PRPF18: variants seen among roughly 807,000 people sequenced by gnomAD.
PRPF18 encodes the protein pre-mRNA processing factor 18, also known as pre-mRNA-splicing factor 18.
Under a neutral mutation model 46.5 loss-of-function variants are expected in PRPF18, and 38 were observed. That is an observed-to-expected ratio of 0.82 (90% confidence interval 0.63 to 1.07). PRPF18 has a LOEUF of 1.07. PRPF18 is among the 50% of genes least tolerant of loss of function. The pLI is 0.00. For missense variants in PRPF18, 263 were observed against 410.0 expected, an observed-to-expected ratio of 0.64 and a Z score of 3.10; for synonymous variants, 152 against 146.7, an observed-to-expected ratio of 1.04 and a Z score of -0.26.
chr10:13,611,362 G>C (rs140117238), intron 5 of PRPF18, among the ~76,000 whole-genome samples: 1 of 152,020 alleles, frequency 6.6e-6, no homozygotes, highest in Non-Finnish European at 1.5e-5. Context: ...AGAACATTTT[G>C]GTTCCCCCAA....
intron 2 of PRPF18, among the ~76,000 whole-genome samples, chr10:13,598,781 G>T (rs1353737070): frequency 6.6e-6 from 1 of 152,154 alleles, no homozygotes; most frequent in Non-Finnish European, 1.5e-5. Flanking sequence ...CACACACTTG[G>T]TCTGGAATAA....
chr10:13,648,030 G>A, the PRPF18 span: 1 of 152,130 alleles, frequency 6.6e-6, no homozygotes, highest in Admixed American at 6.5e-5. Context: ...ACAGCTTCAC[G>A]ATTGAGAATC....
chr10:13,602,546 G>A (rs1398213486), intron 3 of PRPF18, among the ~76,000 whole-genome samples: 2 of 150,956 alleles, frequency 1.3e-5, no homozygotes, highest in Non-Finnish European at 3.0e-5. Flanking sequence ...GCTTGGAAAG[G>A]TTTCCTCTGT....
In PRPF18 at chr10:13,610,020, C is replaced by CT. The variant is rs754859804; in HGVS notation, c.364-12dup. 93 of 1,573,498 alleles carry CT rather than the reference C, an allele frequency of 5.9e-5. No homozygotes were observed. The African/African-American group carries it at 1.1e-3, about 19-fold the overall frequency. On this transcript the variant is annotated intron_variant, in intron 4 of 9. Transcript: ENST00000378572. ...CTTCCTTTCATAACAGGTGTTCTTCCTTTTTTTGCTTTTCTTAGGGATTGA... is the reference window on the plus strand; with the variant it reads ...CTTCCTTTCATAACAGGTGTTCTTCCTTTTTTTTGCTTTTCTTAGGGATTGA...
At chr10:13,632,185 C>T (rs192656086), downstream of PRPF18, among the ~76,000 whole-genome samples, 4 of 152,174 alleles carry the variant, frequency 2.6e-5, no homozygotes, top group South Asian at 6.2e-4. Context: ...ACTAAAAATA[C>T]AAAAAATTAG....
chr10:13,641,371 A>T, the PRPF18 span: 1 of 152,282 alleles, frequency 6.6e-6, no homozygotes, highest in Non-Finnish European at 1.5e-5. Context: ...AGTTCAGGAC[A>T]TGTTAGCACA....
chr10:13,642,625 T>G, the PRPF18 span: 4 of 152,246 alleles, frequency 2.6e-5, no homozygotes, highest in Admixed American at 6.5e-5. Context: ...GATCTTCCTA[T>G]CTACCAGTTG....
intron 9 of PRPF18, among the ~76,000 whole-genome samples, chr10:13,627,308 A>AT (rs1234378432): frequency 6.6e-6 from 1 of 151,920 alleles, no homozygotes; most frequent in Admixed American, 6.6e-5. Flanking sequence ...GGAGGGTGGG[A>AT]TTTTTTCTGG....
chr10:13,610,107 C>A lies in PRPF18; in HGVS notation c.432C>A (p.Gly144=), dbSNP rs779426780. ...AGCAGTACCTCAATGAAATCGTCGG[C>A]GGTCAGGAGCCTGGAGAGGAAGACA... ...IDQQYLNEIV[G]GQEPGEEDTQ... Residue 144 remains glycine, a synonymous_variant, in exon 5 of 10, where the codon GGC becomes GGA. Coordinates refer to ENST00000378572, the MANE Select transcript of PRPF18 (RefSeq NM_003675.4). 6 of 1,613,528 alleles carry A rather than the reference C, an allele frequency of 3.7e-6. No individual in the cohort carries two copies. The highest frequency in any genetic ancestry group is 1.3e-5 in the African/African-American group (1 of 74,874).
At chr10:13,647,351 T>C in the PRPF18 span, 2 of 152,346 alleles carry the variant, frequency 1.3e-5, no homozygotes, top group East Asian at 3.9e-4. Context: ...GAAATACTCA[T>C]GCCTGGGCCC....
intron 3 of PRPF18, among the ~76,000 whole-genome samples, chr10:13,602,101 T>C (rs1248638728): frequency 1.3e-5 from 2 of 152,254 alleles, no homozygotes; most frequent in Admixed American, 6.5e-5. Context: ...ACTGTAAGTA[T>C]GTAAGACTTC....
At chr10:13,651,686 C>T in the PRPF18 span, 2 of 562,226 alleles carry the variant, frequency 3.6e-6, no homozygotes, top group East Asian at 3.1e-5. Context: ...ACAAAACATA[C>T]TCTGGGGGTC....
the PRPF18 span, chr10:13,644,242 A>C: frequency 6.6e-6 from 1 of 152,246 alleles, no homozygotes; most frequent in Admixed American, 6.5e-5. Context: ...CATCCGAAGA[A>C]TCCAATAGGG....
At chr10:13,601,901 A>G (rs112061072) in intron 3 of PRPF18, among the ~76,000 whole-genome samples, 159 of 152,344 alleles carry the variant, frequency 1.0e-3, no homozygotes, top group Non-Finnish European at 1.8e-3. Context: ...TGATGGATAG[A>G]TTACTTCCAG....
At chr10:13,644,299 A>AAAG in the PRPF18 span, 8 of 152,358 alleles carry the variant, frequency 5.3e-5, no homozygotes, top group South Asian at 1.7e-3. Flanking sequence ...ATTTTGTTTT[A>AAAG]AAGAAATAGG....
chr10:13,605,776 CA>C, intron 4 of PRPF18, 32 bp downstream of exon 4: 1 of 1,589,168 alleles, frequency 6.3e-7, no homozygotes, highest in South Asian at 1.2e-5. Context: ...AGAAAAATAC[CA>C]CTGTACTGCA....
chr10:13,614,129 T>C, intron 8 of PRPF18, 43 bp downstream of exon 8: 1 of 1,387,306 alleles, frequency 7.2e-7, no homozygotes, highest in East Asian at 2.3e-5. Flanking sequence ...AGAGTATATC[T>C]AGGTTATGTA....
At chr10:13,611,025 A>G (rs143485865) in intron 5 of PRPF18, among the ~76,000 whole-genome samples, 2 of 152,226 alleles carry the variant, frequency 1.3e-5, no homozygotes, top group African/African-American at 4.8e-5. Flanking sequence ...ACATAAACTT[A>G]TTTTTCTGTT....
the PRPF18 span, chr10:13,647,771 C>A: frequency 6.8e-6 from 1 of 147,090 alleles, no homozygotes; most frequent in Admixed American, 6.8e-5. Flanking sequence ...GAGGTATCAC[C>A]ATTTAGGTTG....
Sources: allele counts gnomAD v4.1 joint callset (sites outside exome capture counted in the v4.1 genomes callset), GRCh38; gene constraint gnomAD v4.1.1; transcripts MANE v1.5; gene names NCBI Gene and HGNC (gene_info 2026-07-23, HGNC 2026-07-21).